Variants in HTR1F observed in about 807,000 individuals in gnomAD.
The protein encoded by HTR1F is 5-hydroxytryptamine (serotonin) receptor 1F, G protein-coupled.
Under a neutral mutation model 24.0 loss-of-function variants are expected in HTR1F, and 17 were observed. The observed-to-expected ratio is 0.71, with a 90% confidence interval of 0.48 to 1.06. The LOEUF (loss-of-function observed/expected upper bound fraction) is 1.06. Ranked by LOEUF, HTR1F falls within the 50% of genes least tolerant of loss-of-function variation. The pLI is 0.00. For synonymous variants in HTR1F, 186 were observed against 156.8 expected (o/e 1.19, Z -1.39); for missense variants, 391 against 427.8 (o/e 0.91, Z 0.76).
At position 87,991,652 on chromosome 3, in the gene HTR1F, A is replaced by G; in HGVS notation, c.903A>G (p.Ala301=). Reference sequence around the variant, plus strand: ...CTACCCTGGGATTAATCTTGGGTGCATTTGTAATATGTTGGCTTCCTTTTT... The same window carrying G: ...CTACCCTGGGATTAATCTTGGGTGCGTTTGTAATATGTTGGCTTCCTTTTT... The part of the protein sequence containing the change: ...AATTLGLILG[A]FVICWLPFFV... Residue 301 remains alanine, a synonymous_variant, in exon 3 of 3, where the codon GCA becomes GCG. Transcript: ENST00000319595. 6.2e-7 allele frequency: 1 copy of G among 1,613,332 alleles called. No homozygotes were observed. The highest frequency in any genetic ancestry group is 2.2e-5 in the East Asian group (1 of 44,868).
chr3:87,888,400 T>C (rs866470743), intron 2 of HTR1F, among the ~76,000 whole-genome samples: 37 of 152,196 alleles, frequency 2.4e-4, no homozygotes, highest in African/African-American at 7.7e-4. Context: ...AAAATCAACA[T>C]GGCACATGTA....
chr3:87,923,519 GTTTT>G (rs536179508), intron 2 of HTR1F, among the ~76,000 whole-genome samples: 5 of 150,478 alleles, frequency 3.3e-5, no homozygotes, highest in African/African-American at 1.2e-4. Flanking sequence ...TTGCTTTCTT[GTTTT>G]TTTTAACTAG....
intron 2 of HTR1F, among the ~76,000 whole-genome samples, chr3:87,873,167 T>C (rs901523364): frequency 6.6e-6 from 1 of 151,358 alleles, no homozygotes; most frequent in Non-Finnish European, 1.5e-5. Context: ...TAAGAATTGG[T>C]TCATATGCTT....
At chr3:87,908,192 A>G (rs1168615414) in intron 2 of HTR1F, among the ~76,000 whole-genome samples, 3 of 152,026 alleles carry the variant, frequency 2.0e-5, no homozygotes, top group Non-Finnish European at 2.9e-5. Context: ...TTATATTACT[A>G]TTAATCTATC....
At chr3:87,974,930 A>G (rs1354604526) in intron 2 of HTR1F, among the ~76,000 whole-genome samples, 2 of 152,196 alleles carry the variant, frequency 1.3e-5, no homozygotes, top group East Asian at 3.8e-4. Context: ...TTCAGATGAC[A>G]GTTCAGATTT....
At chr3:87,942,808 T>C (rs954723339) in intron 2 of HTR1F, among the ~76,000 whole-genome samples, 7 of 151,958 alleles carry the variant, frequency 4.6e-5, no homozygotes, top group Non-Finnish European at 1.0e-4. Flanking sequence ...AAAACCCAGG[T>C]TACCAAGTTC....
intron 2 of HTR1F, among the ~76,000 whole-genome samples, chr3:87,827,574 AT>A (rs1704491593): frequency 6.6e-6 from 1 of 152,208 alleles, no homozygotes; most frequent in Non-Finnish European, 1.5e-5. Flanking sequence ...TGTAATTGAG[AT>A]TTCAAAGTTG....
At chr3:87,980,527 G>A (rs561960894) in intron 2 of HTR1F, among the ~76,000 whole-genome samples, 100 of 152,246 alleles carry the variant, frequency 6.6e-4, no homozygotes, top group East Asian at 1.9e-4. Context: ...AAGTTTTCAT[G>A]CCTGGCTATG....
intron 2 of HTR1F, among the ~76,000 whole-genome samples, chr3:87,964,237 C>G (rs1705118905): frequency 6.6e-6 from 1 of 152,014 alleles, no homozygotes; most frequent in Non-Finnish European, 1.5e-5. Flanking sequence ...TAATATATTC[C>G]TCACCCTTAA....
At chr3:87,920,663 G>T (rs1274610568) in intron 2 of HTR1F, among the ~76,000 whole-genome samples, 1 of 151,908 alleles carries the variant, frequency 6.6e-6, no homozygotes, top group East Asian at 1.9e-4. Context: ...TTATAAATGG[G>T]AGCTAAATGA....
intron 2 of HTR1F, among the ~76,000 whole-genome samples, chr3:87,906,455 C>A (rs1367794593): frequency 6.6e-6 from 1 of 151,944 alleles, no homozygotes; most frequent in East Asian, 1.9e-4. Context: ...AAATAAAAAT[C>A]TTTTCTTGTT....
chr3:87,867,566 C>T (rs1022735633), intron 2 of HTR1F, among the ~76,000 whole-genome samples: 2 of 148,842 alleles, frequency 1.3e-5, no homozygotes, highest in African/African-American at 4.9e-5. Flanking sequence ...TATATTTTAT[C>T]TCTGAGTGAC....
intron 2 of HTR1F, among the ~76,000 whole-genome samples, chr3:87,930,868 C>T (rs1704246849): frequency 1.3e-5 from 2 of 152,092 alleles, no homozygotes; most frequent in African/African-American, 4.8e-5. Context: ...CACACCTACA[C>T]ATATTGTTGA....
At chr3:87,836,519 GCA>G in intron 2 of HTR1F, among the ~76,000 whole-genome samples, 1 of 152,086 alleles carries the variant, frequency 6.6e-6, no homozygotes, top group African/African-American at 2.4e-5. Flanking sequence ...CATCCAGTAA[GCA>G]TTGAATAAAG....
At chr3:87,920,014 G>GAT (rs1474428978) in intron 2 of HTR1F, among the ~76,000 whole-genome samples, 1 of 126,594 alleles carries the variant, frequency 7.9e-6, no homozygotes, top group East Asian at 2.2e-4. Context: ...GTGTGGGAGA[G>GAT]ATATATATGT....
Position 87,947,015 on chromosome 3 carries a change from G to A in HTR1F, c.-42-43693G>A, listed in dbSNP as rs556392864. On this transcript the variant is annotated intron_variant, in intron 2 of 2. Transcript: ENST00000319595. Reference sequence around the variant, plus strand: ...GAAGAGTTAATTTTATTATTTAATCGTTGTGTTGAAATGGTTGTGAATATT... The same window carrying A: ...GAAGAGTTAATTTTATTATTTAATCATTGTGTTGAAATGGTTGTGAATATT... Among the ~76,000 whole-genome samples, 23 of 152,264 alleles carry A rather than the reference G, an allele frequency of 1.5e-4. No individual in the cohort carries two copies. In the East Asian group the frequency reaches 1.9e-3, roughly 13 times the overall value.
intron 2 of HTR1F, among the ~76,000 whole-genome samples, chr3:87,854,035 GGTA>G (rs1705148388): frequency 6.6e-6 from 1 of 151,636 alleles, no homozygotes; most frequent in South Asian, 2.1e-4. Context: ...ATGTTATCCT[GGTA>G]CCTTTTTAAT....
chr3:87,848,492 C>T (rs1459445023), intron 2 of HTR1F, among the ~76,000 whole-genome samples: 3 of 151,684 alleles, frequency 2.0e-5, no homozygotes, highest in Non-Finnish European at 4.4e-5. Context: ...ATTTGCTGTG[C>T]AGAAGCTTTT....
intron 2 of HTR1F, among the ~76,000 whole-genome samples, chr3:87,939,590 T>C (rs772354473): frequency 2.0e-5 from 3 of 152,206 alleles, no homozygotes; most frequent in Non-Finnish European, 4.4e-5. Flanking sequence ...TTCTTCCTGC[T>C]TTGGTCTTGG....
Sources: allele counts gnomAD v4.1 joint callset (sites outside exome capture counted in the v4.1 genomes callset), GRCh38; gene constraint gnomAD v4.1.1; transcripts MANE v1.5; gene names NCBI Gene and HGNC (gene_info 2026-07-23, HGNC 2026-07-21).